The following FRMD5 variants were observed in gnomAD, a reference collection of about 807,000 sequenced individuals.
FRMD5 encodes the protein FERM domain-containing protein 5.
In FRMD5, 20 loss-of-function variants were observed where a neutral mutation model predicts 69.0. That is an observed-to-expected ratio of 0.29 (90% CI 0.20 to 0.42). The LOEUF is 0.42. Ranked by LOEUF, FRMD5 falls within the 10% of genes least tolerant of loss-of-function variation. The pLI is 1.00. For missense variants in FRMD5, 595 were observed against 708.6 expected (o/e 0.84, Z 1.82); for synonymous variants, 271 against 260.1 (o/e 1.04, Z -0.40).
At chr15:43,993,633 T>C (rs537956943) in intron 1 of FRMD5, among the ~76,000 whole-genome samples, 5 of 152,332 alleles carry the variant, frequency 3.3e-5, no homozygotes, top group South Asian at 4.1e-4. Context: ...TGCTTCCTTA[T>C]TGATTTTTTT....
chr15:44,157,195 T>C (rs2077542384), intron 1 of FRMD5, among the ~76,000 whole-genome samples: 1 of 152,244 alleles, frequency 6.6e-6, no homozygotes, highest in Non-Finnish European at 1.5e-5. Flanking sequence ...GTTTAATTCC[T>C]ACTTCTCTAG....
intron 1 of FRMD5, among the ~76,000 whole-genome samples, chr15:43,957,179 T>G (rs2090128064): frequency 6.6e-6 from 1 of 152,128 alleles, no homozygotes; most frequent in South Asian, 2.1e-4. Flanking sequence ...TTAAAATATT[T>G]GTGATAATTT....
At chr15:43,990,112 C>T (rs377082843) in intron 1 of FRMD5, 29 of 643,970 alleles carry the variant, frequency 4.5e-5, no homozygotes, top group Admixed American at 2.5e-4. Flanking sequence ...GGGTGGGCAT[C>T]GTCACCTGCA....
intron 1 of FRMD5, among the ~76,000 whole-genome samples, chr15:43,976,075 A>G (rs2090457568): frequency 6.6e-6 from 1 of 151,400 alleles, no homozygotes; most frequent in Admixed American, 6.6e-5. Context: ...AAAAAAAAAA[A>G]GGGAGAGGGA....
chr15:43,887,413 A>G lies in FRMD5; in HGVS notation c.884+762T>C, dbSNP rs189848647. 6.8e-4 allele frequency among the ~76,000 whole-genome samples: 103 copies of G among 152,362 alleles called. 1 individual carries two copies. In the East Asian group the frequency reaches 0.012, roughly 18 times the overall value. ...AAAATAAATGTTTTCTTGACTTTCTATGGACAGTAGGGACTGAACAGGAGG... is the reference window on the plus strand; with the variant it reads ...AAAATAAATGTTTTCTTGACTTTCTGTGGACAGTAGGGACTGAACAGGAGG... On this transcript the variant is annotated intron_variant, in intron 10 of 13. Transcript: ENST00000417257.
intron 1 of FRMD5, among the ~76,000 whole-genome samples, chr15:44,029,502 A>G (rs997224102): frequency 1.3e-5 from 2 of 152,230 alleles, no homozygotes; most frequent in Non-Finnish European, 2.9e-5. Flanking sequence ...TATTAAACCT[A>G]TAGGTATTCT....
chr15:44,023,477 C>T (rs1193289105), intron 1 of FRMD5, among the ~76,000 whole-genome samples: 1 of 152,168 alleles, frequency 6.6e-6, no homozygotes, highest in Non-Finnish European at 1.5e-5. Context: ...GCACCTTGAG[C>T]TTAATAATAC....
chr15:43,998,593 T>G (rs1037529147), intron 1 of FRMD5, among the ~76,000 whole-genome samples: 1 of 152,186 alleles, frequency 6.6e-6, no homozygotes, highest in African/African-American at 2.4e-5. Flanking sequence ...TCAGTTTAAG[T>G]ACATACAAAT....
At chr15:43,977,238 G>C (rs1417915771) in intron 1 of FRMD5, among the ~76,000 whole-genome samples, 1 of 152,140 alleles carries the variant, frequency 6.6e-6, no homozygotes, top group Non-Finnish European at 1.5e-5. Flanking sequence ...GTTGTGGTCA[G>C]GGTTGTTACT....
intron 1 of FRMD5, among the ~76,000 whole-genome samples, chr15:44,050,885 T>C (rs1288155566): frequency 6.6e-6 from 1 of 151,954 alleles, no homozygotes; most frequent in African/African-American, 2.4e-5. Flanking sequence ...CTCAAACTCC[T>C]GACCTCAAGC....
At chr15:44,097,675 G>T (rs2076573648) in intron 1 of FRMD5, among the ~76,000 whole-genome samples, 1 of 152,142 alleles carries the variant, frequency 6.6e-6, no homozygotes, top group Non-Finnish European at 1.5e-5. Flanking sequence ...CTAGTAATTT[G>T]TCTAATGTGT....
At chr15:43,994,616 G>C (rs1168503308) in intron 1 of FRMD5, among the ~76,000 whole-genome samples, 1 of 152,062 alleles carries the variant, frequency 6.6e-6, no homozygotes, top group Non-Finnish European at 1.5e-5. Context: ...TTTTTTGGTA[G>C]AGATGGGGTT....
At chr15:43,977,865 C>T (rs1278329354) in intron 1 of FRMD5, among the ~76,000 whole-genome samples, 1 of 152,072 alleles carries the variant, frequency 6.6e-6, no homozygotes, top group Admixed American at 6.6e-5. Flanking sequence ...TTTATCTGGT[C>T]AGCAAAGGTC....
At chr15:44,031,248 A>G (rs527351700) in intron 1 of FRMD5, among the ~76,000 whole-genome samples, 1 of 152,264 alleles carries the variant, frequency 6.6e-6, no homozygotes, top group East Asian at 1.9e-4. Flanking sequence ...CCTCTTCCAC[A>G]GGGGAGAAAA....
intron 1 of FRMD5, among the ~76,000 whole-genome samples, chr15:44,005,579 C>T (rs568790278): frequency 9.9e-5 from 15 of 151,606 alleles, no homozygotes; most frequent in Admixed American, 3.3e-4. Flanking sequence ...GGAAATACAG[C>T]GGCTTCTATT....
At chr15:44,160,925 T>G (rs1483343596) in intron 1 of FRMD5, among the ~76,000 whole-genome samples, 2 of 152,242 alleles carry the variant, frequency 1.3e-5, no homozygotes, top group Non-Finnish European at 2.9e-5. Context: ...AATTGCTCAC[T>G]TGTTGGGGAT....
At chr15:44,133,576 C>CAAAAAAAAAAAAAAAAAA (rs11326330) in intron 1 of FRMD5, among the ~76,000 whole-genome samples, 1 of 86,958 alleles carries the variant, frequency 1.1e-5, no homozygotes, top group Non-Finnish European at 2.5e-5. Flanking sequence ...GAATCTGTCT[C>CAAAAAAAAAAAAAAAAAA]AAAAAAAAAA....
intron 4 of FRMD5, chr15:43,918,900 G>A (rs190584492): frequency 4.8e-5 from 8 of 165,670 alleles, no homozygotes; most frequent in Admixed American, 4.6e-4. Context: ...CTCAAGTGGC[G>A]CTGGATGAGA....
chr15:43,919,600 T>C, intron 3 of FRMD5, 63 bp from the exon 4 acceptor site: 3 of 1,538,134 alleles, frequency 2.0e-6, no homozygotes, highest in African/African-American at 1.4e-5. Flanking sequence ...AGGGCTCTTC[T>C]GCCCACTAGC....
Sources: allele counts gnomAD v4.1 joint callset (sites outside exome capture counted in the v4.1 genomes callset), GRCh38; gene constraint gnomAD v4.1.1; transcripts MANE v1.5; gene names NCBI Gene and HGNC (gene_info 2026-07-23, HGNC 2026-07-21).